ZNF17: variants seen among roughly 807,000 people sequenced by gnomAD.
ZNF17 encodes zinc finger protein 17 (HPF3, KOX 10).
A neutral mutation model predicts 7.7 loss-of-function variants in ZNF17; 4 were observed. The observed-to-expected ratio is 0.52, with a 90% confidence interval of 0.26 to 1.20. The LOEUF is 1.20. Among genes scored for constraint, ZNF17 ranks in the 50% most tolerant of loss-of-function variants. The probability of loss-of-function intolerance (pLI) is 0.14; values close to 1 mark genes in which losing one functional copy is unlikely to be tolerated. For synonymous variants in ZNF17, 249 were observed against 258.8 expected, an observed-to-expected ratio of 0.96 and a Z score of 0.36; for missense variants, 738 against 799.5, an observed-to-expected ratio of 0.92 and a Z score of 0.93.
At position 57,419,935 on chromosome 19, in the gene ZNF17, C is replaced by T. The variant is rs2014827; in HGVS notation, c.449C>T (p.Thr150Ile). ...GTTCACCTGGCAAAGAGGAACCTCA[C>T]ATGCATGCAGGGTGGCAAGGATTTT... ...DSVHLAKRNL[T>I]CMQGGKDFTG... The change falls in exon 4 of 4, where the codon ACA becomes ATA. Residue 150 changes from threonine (T) to isoleucine (I), a missense_variant. By Grantham distance (89) the Thr-to-Ile change is moderately conservative. Around this residue, in one of 3 missense-constraint regions of ZNF17, gnomAD observed 616 missense variants for 663.9 expected, o/e 0.93. Transcript: ENST00000307658. 6.2e-7 allele frequency: 1 copy of T among 1,614,004 alleles called. No homozygotes were observed. Among genetic ancestry groups the T allele is most frequent in the African/African-American group, 1.3e-5 (1 of 74,932 alleles).
rs2088845869 is a variant in ZNF17 at position 57,420,849 on chromosome 19, T to C, written c.1363T>C (p.Tyr455His). The change falls in exon 4 of 4, where the codon TAT becomes CAT. Residue 455 changes from tyrosine to histidine, a missense_variant. Coordinates refer to ENST00000307658, the MANE Select transcript of ZNF17 (RefSeq NM_001330617.2). ...ECNKCGKFFR[Y>H]CFTLNRHQRV... ...CAACAAATGTGGGAAATTCTTTAGG[T>C]ATTGCTTCACACTGAATAGACATCA... 1 of 1,614,024 alleles carries C rather than the reference T, an allele frequency of 6.2e-7. No individual in the cohort carries two copies. The highest frequency in any genetic ancestry group is 1.1e-5 in the South Asian group (1 of 91,086).
In ZNF17 at chr19:57,421,349, T is replaced by G. The variant is rs1257179992; in HGVS notation, c.1863T>G (p.Phe621Leu). Residue 621 changes from phenylalanine to leucine, a missense_variant, in exon 4 of 4, where the codon TTT becomes TTG. Coordinates refer to ENST00000307658, the MANE Select transcript of ZNF17 (RefSeq NM_001330617.2). ...PYECSECGKVFRYNSSLIKHR... is the reference protein window; with the variant it reads ...PYECSECGKVLRYNSSLIKHR... Reference sequence around the variant, plus strand: ...AGTGCAGTGAATGTGGGAAAGTCTTTAGATACAACTCCAGCCTCATTAAAC... The same window carrying G: ...AGTGCAGTGAATGTGGGAAAGTCTTGAGATACAACTCCAGCCTCATTAAAC... 1 of 1,614,188 alleles carries G rather than the reference T, an allele frequency of 6.2e-7. No homozygotes were observed. The highest frequency in any genetic ancestry group is 2.2e-5 in the East Asian group (1 of 44,874).
chr19:57,415,047 C>T (rs2088803015), intron 2 of ZNF17, among the ~76,000 whole-genome samples: 1 of 152,142 alleles, frequency 6.6e-6, no homozygotes, highest in Non-Finnish European at 1.5e-5. Context: ...CCTCTGCCTG[C>T]AGAATGGAGG....
chr19:57,418,887 TTTTTTTG>T (rs901392211), intron 3 of ZNF17, among the ~76,000 whole-genome samples: 8 of 150,520 alleles, frequency 5.3e-5, no homozygotes, highest in African/African-American at 1.2e-4. Flanking sequence ...TTTTTTGTTT[TTTTTTTG>T]TTTTTGTTTT....
At chr19:57,411,773 A>G in intron 1 of ZNF17, 2 of 825,804 alleles carry the variant, frequency 2.4e-6, no homozygotes, top group South Asian at 4.6e-5. Context: ...TTAAACCAGG[A>G]CAAGGGGACC....
intron 1 of ZNF17, among the ~76,000 whole-genome samples, chr19:57,411,918 G>T (rs1162525285): frequency 6.6e-6 from 1 of 152,190 alleles, no homozygotes; most frequent in Non-Finnish European, 1.5e-5. Flanking sequence ...TAGCAGTGAG[G>T]GTAGTGAAGG....
chr19:57,419,658 G>T lies in ZNF17; in HGVS notation c.172G>T (p.Glu58Ter), dbSNP rs1454245585. ...SVGCWHGAKD[E>*]EAPSKQCVSV... ...AGGTTGTTGGCATGGAGCCAAGGAT[G>T]AGGAGGCACCTTCCAAGCAATGTGT... Residue 58 changes from glutamate to a stop codon, truncating the protein, a stop_gained, in exon 4 of 4, where the codon GAG becomes TAG. Coordinates refer to ENST00000307658, the MANE Select transcript of ZNF17 (RefSeq NM_001330617.2). LOFTEE classifies it low-confidence loss of function (END_TRUNC). 1.2e-6 allele frequency: 2 copies of T among 1,613,256 alleles called. No homozygotes were observed. The highest frequency in any genetic ancestry group is 2.2e-5 in the South Asian group (2 of 91,046).
rs201813803 is a variant in ZNF17, at chr19:57,420,205, G to A, written c.719G>A (p.Arg240Gln). 334 of 1,613,138 alleles carry A rather than the reference G, an allele frequency of 2.1e-4. No homozygotes were observed. In the African/African-American group the frequency reaches 3.5e-3, roughly 17 times the overall value. Residue 240 changes from arginine to glutamine, a missense_variant, in exon 4 of 4, where the codon CGA (arginine) becomes CAA (glutamine). Arg to Gln is a conservative substitution (Grantham distance 43). Coordinates refer to ENST00000307658, the MANE Select transcript of ZNF17 (RefSeq NM_001330617.2). ...RYNSDLIKHQRNHTGERPYKC... is the reference protein window; with the variant it reads ...RYNSDLIKHQQNHTGERPYKC... ...AACTCCGACCTTATTAAACATCAGC[G>A]AAATCATACTGGAGAAAGGCCTTAT...
Position 57,411,170 on chromosome 19 carries a change from C to T in ZNF17, c.-257C>T, listed in dbSNP as rs2123058112. The T allele has an allele frequency of 3.4e-6, 2 of 582,778 alleles. No individual in the cohort carries two copies. The highest frequency in any genetic ancestry group is 3.2e-5 in the Admixed American group (1 of 31,638). The allele number at this position is 582,778 out of a possible 1,614,324, so 36.1% of individuals were successfully genotyped here. A position where few individuals can be genotyped will look rare whatever the true frequency, so the allele number is the denominator to read the frequency against. The stretch of plus-strand genomic sequence containing the variant: ...GTGGGCGGGACTTCCTGCAACGCCT[C>T]CTGGGGTTGTCAATATGGCTGCGTT... On this transcript the variant is annotated 5_prime_UTR_variant, in exon 1 of 4. Coordinates refer to ENST00000307658, the MANE Select transcript of ZNF17 (RefSeq NM_001330617.2).
chr19:57,413,405 A>T (rs1419724465), intron 1 of ZNF17, 191 bp from the exon 2 acceptor site: 2 of 568,262 alleles, frequency 3.5e-6, no homozygotes, highest in Non-Finnish European at 6.3e-6. Flanking sequence ...CAATCCTTTT[A>T]ATCTCTATTT....
In ZNF17 at chr19:57,421,095, T is replaced by C. The variant is rs2088848283; in HGVS notation, c.1609T>C (p.Phe537Leu). 8 of 1,614,108 alleles carry C rather than the reference T, an allele frequency of 5.0e-6. No homozygotes were observed. Among genetic ancestry groups the C allele is most frequent in the Non-Finnish European group, 6.8e-6 (8 of 1,179,918 alleles). Reference protein sequence around the residue: ...PYECSECGKFFRHNSNHIRHR... With the variant: ...PYECSECGKFLRHNSNHIRHR... ...TGAGTGTAGTGAATGTGGGAAATTC[T>C]TTAGGCACAACTCAAATCATATTAG... Residue 537 changes from phenylalanine (F) to leucine (L), a missense_variant, in exon 4 of 4, where the codon TTT (phenylalanine) becomes CTT (leucine). Phe to Leu is a conservative substitution (Grantham distance 22). Coordinates refer to ENST00000307658, the MANE Select transcript of ZNF17 (RefSeq NM_001330617.2).
At position 57,411,613 on chromosome 19, in the gene ZNF17, C is replaced by T. The variant is rs926864156; in HGVS notation, c.-21+207C>T. 13 of 1,383,676 alleles carry T rather than the reference C, an allele frequency of 9.4e-6. No individual in the cohort carries two copies. In the South Asian group the frequency reaches 1.2e-4, roughly 13 times the overall value. The allele number at this position is 1,383,676 out of a possible 1,614,324, so 85.7% of individuals were successfully genotyped here. ...TAGAGGTGCTGCAGAGCGGGCGGCA[C>T]TGGGGAGCCCGAGCGTCTTTGTCTC... On this transcript the variant is annotated intron_variant, in intron 1 of 3. Transcript: ENST00000307658.
At position 57,411,697 on chromosome 19, in the gene ZNF17, C is replaced by T. The variant is rs542214566; in HGVS notation, c.-21+291C>T. On this transcript the variant is annotated intron_variant, in intron 1 of 3. Coordinates refer to ENST00000307658, the MANE Select transcript of ZNF17 (RefSeq NM_001330617.2). ...GGAGGGCAGCGGAGCTGCTGAAAGC[C>T]GTAGAAGGCTGTGCAGGAAGGGTTA... The T allele has an allele frequency of 3.0e-6, 4 of 1,313,978 alleles. No homozygotes were observed. The South Asian group carries it at 6.7e-5, about 22-fold the overall frequency. 81.4% of individuals were successfully genotyped at this position (1,313,978 alleles called of 1,614,324 possible).
chr19:57,413,153 A>C lies in ZNF17; in HGVS notation c.-20-443A>C, dbSNP rs192056884. On this transcript the variant is annotated intron_variant, in intron 1 of 3. Coordinates refer to ENST00000307658, the MANE Select transcript of ZNF17 (RefSeq NM_001330617.2). ...CGGCCTCCCAAAGTGCTGGGATTAG[A>C]GGCTTGAGCCACCATGCCCGGCTGA... is the stretch of plus-strand genomic sequence containing the variant. Among the ~76,000 whole-genome samples, 235 of 152,306 alleles carry C rather than the reference A, an allele frequency of 1.5e-3. 2 individuals are homozygous for C. Among genetic ancestry groups the C allele is most frequent in the Admixed American group, 3.3e-3 (50 of 15,294 alleles).
intron 1 of ZNF17, chr19:57,411,783 C>T (rs1307944159): frequency 3.0e-6 from 2 of 672,024 alleles, no homozygotes; most frequent in African/African-American, 1.9e-5. Context: ...ACAAGGGGAC[C>T]GCTGAGGAGA....
chr19:57,416,921 AC>A (rs2088814715), intron 2 of ZNF17, among the ~76,000 whole-genome samples: 1 of 152,046 alleles, frequency 6.6e-6, no homozygotes, highest in Non-Finnish European at 1.5e-5. Flanking sequence ...TGCCATGAAG[AC>A]CTAGTGTCTC....
rs1368505784 is a variant in ZNF17 at position 57,420,072 on chromosome 19, C to A, written c.586C>A (p.Gln196Lys). Residue 196 changes from glutamine (Q) to lysine (K), a missense_variant, in exon 4 of 4, where the codon CAA becomes AAA. Transcript: ENST00000307658. ...TGGACAGAATAATTACAGCTGCACCCAATGTGGGAAAGACTTTTGCCACCA... is the reference window on the plus strand; with the variant it reads ...TGGACAGAATAATTACAGCTGCACCAAATGTGGGAAAGACTTTTGCCACCA... The part of the protein sequence containing the change: ...QSGQNNYSCT[Q>K]CGKDFCHQHT... The A allele has an allele frequency of 1.9e-6, 3 of 1,614,110 alleles. No homozygotes were observed. The highest frequency in any genetic ancestry group is 2.5e-6 in the Non-Finnish European group (3 of 1,180,052).
chr19:57,411,412 T>C lies in ZNF17; in HGVS notation c.-21+6T>C. 3 of 1,611,380 alleles carry C rather than the reference T, an allele frequency of 1.9e-6. No individual in the cohort carries two copies. In the Middle Eastern group the frequency reaches 5.0e-4, roughly 267 times the overall value. ...CGCCGATGAACCTGACTGAGGTGGGTGCCGCGTCCCAGGGCGCCCCGCCCG... is the reference window on the plus strand; with the variant it reads ...CGCCGATGAACCTGACTGAGGTGGGCGCCGCGTCCCAGGGCGCCCCGCCCG... On this transcript the variant is annotated splice_donor_region_variant and intron_variant, in intron 1 of 3. Coordinates refer to ENST00000307658, the MANE Select transcript of ZNF17 (RefSeq NM_001330617.2).
intron 2 of ZNF17, among the ~76,000 whole-genome samples, chr19:57,416,904 G>T (rs1021285070): frequency 5.9e-5 from 9 of 152,108 alleles, no homozygotes; most frequent in African/African-American, 2.2e-4. Flanking sequence ...GGGAGAGCAG[G>T]TACAGGTGCC....
Sources: allele counts gnomAD v4.1 joint callset (sites outside exome capture counted in the v4.1 genomes callset), GRCh38; gene constraint gnomAD v4.1.1; regional missense constraint gnomAD v4.1.1; transcripts MANE v1.5; gene names NCBI Gene and HGNC (gene_info 2026-07-23, HGNC 2026-07-21).